CRYZL1: variants seen among roughly 807,000 people sequenced by gnomAD.
CRYZL1 encodes ferry endosomal RAB5 effector complex subunit 4.
In CRYZL1, 34 loss-of-function variants were observed where a neutral mutation model predicts 50.6. That is an observed-to-expected ratio of 0.67 (90% CI 0.51 to 0.89). The LOEUF (loss-of-function observed/expected upper bound fraction) is 0.89. CRYZL1 is among the 40% of genes least tolerant of loss of function. CRYZL1 has a pLI of 0.00. For synonymous variants in CRYZL1, 125 were observed against 134.3 expected (o/e 0.93, Z 0.48); for missense variants, 354 against 402.3 (o/e 0.88, Z 1.03).
chr21:33,624,321 T>C (rs1198294259), intron 3 of CRYZL1, among the ~76,000 whole-genome samples: 1 of 152,098 alleles, frequency 6.6e-6, no homozygotes, highest in Non-Finnish European at 1.5e-5. Context: ...CCGAGGCAGG[T>C]GGATCCCCTG....
At chr21:33,596,875 T>C (rs1352835649) in intron 10 of CRYZL1, among the ~76,000 whole-genome samples, 9 of 151,486 alleles carry the variant, frequency 5.9e-5, no homozygotes, top group Admixed American at 5.9e-4. Flanking sequence ...TTCTTTTTTT[T>C]TTTTTGAGAC....
intron 6 of CRYZL1, among the ~76,000 whole-genome samples, chr21:33,608,300 C>T (rs758533645): frequency 9.2e-5 from 14 of 152,044 alleles, no homozygotes; most frequent in Non-Finnish European, 1.8e-4. Context: ...ACTAAAAATA[C>T]AAAAAGTAGC....
intron 1 of CRYZL1, chr21:33,641,406 CAGACCTCTGCCTCCATAAAAGT>C: frequency 7.3e-7 from 1 of 1,375,754 alleles, no homozygotes; most frequent in South Asian, 1.5e-5. Context: ...AGGGCACTCC[CAGACCTCTGCCTCCATAAAAGT>C]AGAGGGAGAT....
At chr21:33,617,907 G>A (rs1343093359) in intron 4 of CRYZL1, among the ~76,000 whole-genome samples, 2 of 152,106 alleles carry the variant, frequency 1.3e-5, no homozygotes, top group African/African-American at 4.8e-5. Context: ...AAGATGAGGG[G>A]TGGTCTCCTC....
intron 4 of CRYZL1, among the ~76,000 whole-genome samples, chr21:33,618,046 T>A (rs910251097): frequency 2.0e-5 from 3 of 152,002 alleles, no homozygotes; most frequent in Non-Finnish European, 4.4e-5. Context: ...TCCCAGCACT[T>A]TGGGAGGCCG....
chr21:33,639,825 A>ATTTTTTTT (rs35747923), intron 1 of CRYZL1: 1 of 133,926 alleles, frequency 7.5e-6, no homozygotes, highest in Non-Finnish European at 1.5e-5. Flanking sequence ...ATAGATGTGT[A>ATTTTTTTT]TTTTTTTTTT....
chr21:33,597,469 T>C, intron 9 of CRYZL1, 68 bp from the exon 10 acceptor site: 1 of 1,243,050 alleles, frequency 8.0e-7, no homozygotes, highest in Admixed American at 1.9e-5. Context: ...CTGACAAAAA[T>C]TTATTCTTCA....
intron 6 of CRYZL1, among the ~76,000 whole-genome samples, chr21:33,605,683 G>A (rs959235141): frequency 1.3e-5 from 2 of 151,170 alleles, no homozygotes; most frequent in African/African-American, 4.9e-5. Flanking sequence ...CACCAGGCCT[G>A]GCTAATTTTT....
At chr21:33,640,131 G>A (rs1046824802) in intron 1 of CRYZL1, 2 of 1,545,808 alleles carry the variant, frequency 1.3e-6, no homozygotes, top group Admixed American at 2.0e-5. Flanking sequence ...CGGCCAATAT[G>A]TGTATTTTTG....
chr21:33,610,075 C>G (rs890515604), intron 6 of CRYZL1, among the ~76,000 whole-genome samples: 82 of 151,570 alleles, frequency 5.4e-4, no homozygotes, highest in African/African-American at 1.9e-3. Flanking sequence ...GTCTTGAACT[C>G]CTGGGCTCAA....
chr21:33,599,084 AT>A, intron 9 of CRYZL1, 65 bp downstream of exon 9: 3 of 1,473,400 alleles, frequency 2.0e-6, no homozygotes, highest in East Asian at 2.3e-5. Flanking sequence ...CCCTGGTTAA[AT>A]TTTTTTTCTT....
At position 33,613,568 on chromosome 21, in the gene CRYZL1, C is replaced by A; in HGVS notation, c.301G>T (p.Glu101Ter). Residue 101 changes from glutamate (E) to a stop codon, truncating the protein, a stop_gained, in exon 6 of 13, where the codon GAA (glutamate) becomes TAA (stop). Coordinates refer to ENST00000381554, the MANE Select transcript of CRYZL1 (RefSeq NM_145858.3). LOFTEE classifies it high-confidence loss of function. ...PLDSEDPGLC[E>*]VVRVHEHYLV... ...TAATGCTCATGTACTCTAACAACTT[C>A]ACAAAGTCCAGGGTCTTCAGAGTCC... 6.2e-7 allele frequency: 1 copy of A among 1,613,496 alleles called. No homozygotes were observed. Among genetic ancestry groups the A allele is most frequent in the Non-Finnish European group, 8.5e-7 (1 of 1,179,468 alleles).
At chr21:33,601,847 G>A (rs1456999384) in intron 8 of CRYZL1, among the ~76,000 whole-genome samples, 1 of 151,738 alleles carries the variant, frequency 6.6e-6, no homozygotes, top group Middle Eastern at 3.4e-3. Context: ...ACCCTGGGGA[G>A]GTCCATACTG....
intron 3 of CRYZL1, among the ~76,000 whole-genome samples, chr21:33,622,822 T>C (rs1011826098): frequency 1.1e-4 from 16 of 152,170 alleles, no homozygotes; most frequent in Non-Finnish European, 1.8e-4. Context: ...TTCTCTTCTA[T>C]ATTTATTTTT....
Position 33,602,323 on chromosome 21 carries a change from T to G in CRYZL1, c.488A>C (p.Gln163Pro), listed in dbSNP as rs1400252660. Residue 163 changes from glutamine to proline, a missense_variant, in exon 8 of 13, where the codon CAG becomes CCG. By Grantham distance (76) the Gln-to-Pro change is moderately conservative. Coordinates refer to ENST00000381554, the MANE Select transcript of CRYZL1 (RefSeq NM_145858.3). Reference protein sequence around the residue: ...GASAFGTIAIQLAHHRGAKVI... With the variant: ...GASAFGTIAIPLAHHRGAKVI... ...TTTGGCTCCTCTATGATGTGCTAACTGAATAGCTATTGTACCAAATGCCTG... is the reference window on the plus strand; with the variant it reads ...TTTGGCTCCTCTATGATGTGCTAACGGAATAGCTATTGTACCAAATGCCTG... 6.2e-7 allele frequency: 1 copy of G among 1,605,322 alleles called. No homozygotes were observed. The highest frequency in any genetic ancestry group is 1.3e-5 in the African/African-American group (1 of 74,900).
intron 6 of CRYZL1, among the ~76,000 whole-genome samples, chr21:33,611,417 T>G (rs2086872023): frequency 6.6e-6 from 1 of 152,106 alleles, no homozygotes; most frequent in South Asian, 2.1e-4. Flanking sequence ...TATTGGAAAT[T>G]TTAGATATAA....
chr21:33,621,947 C>T, intron 4 of CRYZL1, 49 bp downstream of exon 4: 1 of 1,304,884 alleles, frequency 7.7e-7, no homozygotes, highest in Non-Finnish European at 1.1e-6. Flanking sequence ...TACATTTAAT[C>T]TCTTTTACCT....
Position 33,589,693 on chromosome 21 carries a change from A to G in CRYZL1, c.*129T>C, listed in dbSNP as rs986798382. 2.6e-5 allele frequency: 17 copies of G among 642,094 alleles called. No homozygotes were observed. The highest frequency in any genetic ancestry group is 4.5e-5 in the Non-Finnish European group (16 of 355,010). 39.8% of individuals were successfully genotyped at this position (642,094 alleles called of 1,614,324 possible). A position where few individuals can be genotyped will look rare whatever the true frequency, so the allele number is the denominator to read the frequency against. ...ATGTGTCAACTGAGCATCTTGTCTTAGCAGAGAAACGTGCTTAAAAATGCA... is the reference window on the plus strand; with the variant it reads ...ATGTGTCAACTGAGCATCTTGTCTTGGCAGAGAAACGTGCTTAAAAATGCA... On this transcript the variant is annotated 3_prime_UTR_variant, in exon 13 of 13. Coordinates refer to ENST00000381554, the MANE Select transcript of CRYZL1 (RefSeq NM_145858.3).
chr21:33,599,357 G>T, intron 8 of CRYZL1, 109 bp from the exon 9 acceptor site: 1 of 1,406,816 alleles, frequency 7.1e-7, no homozygotes, highest in Non-Finnish European at 9.9e-7. Context: ...CTTGAAATGA[G>T]TTAAGCAATT....
Sources: gnomAD v4.1 joint callset for allele counts (sites outside exome capture counted in the v4.1 genomes callset) on GRCh38, gnomAD v4.1.1 for gene constraint, MANE v1.5 for transcripts, NCBI Gene and HGNC (gene_info 2026-07-23, HGNC 2026-07-21) for gene names.